Variants in CTNS observed in about 807,000 individuals in gnomAD.
The protein encoded by CTNS is cystinosin.
A neutral mutation model predicts 43.7 loss-of-function variants in CTNS; 27 were observed. The observed-to-expected ratio is 0.62, with a 90% CI of 0.46 to 0.85. The LOEUF (loss-of-function observed/expected upper bound fraction) is 0.85. Ranked by LOEUF, CTNS falls within the 40% of genes least tolerant of loss-of-function variation. The pLI is 0.00. For missense variants in CTNS, 457 were observed against 475.4 expected (o/e 0.96, Z 0.36); for synonymous variants, 187 against 190.6 (o/e 0.98, Z 0.16).
intron 3 of CTNS, among the ~76,000 whole-genome samples, chr17:3,646,836 GA>G (rs2075854336): frequency 6.6e-6 from 1 of 152,198 alleles, no homozygotes; most frequent in South Asian, 2.1e-4. Context: ...TTAATGCCAA[GA>G]AGAAATCTCA....
At chr17:3,647,420 T>C (rs781053360) in intron 3 of CTNS, 24 bp from the exon 4 acceptor site, 1 of 1,606,556 alleles carries the variant, frequency 6.2e-7, no homozygotes, top group South Asian at 1.1e-5. Context: ...CAGTGCCTCA[T>C]GTCATTGATT....
At chr17:3,639,100 G>A (rs2075616572) in intron 2 of CTNS, among the ~76,000 whole-genome samples, 1 of 152,116 alleles carries the variant, frequency 6.6e-6, no homozygotes, top group Non-Finnish European at 1.5e-5. Context: ...AATCAGAGTG[G>A]GAACAGGGAT....
chr17:3,645,468 G>A (rs1324870180), intron 3 of CTNS, among the ~76,000 whole-genome samples: 1 of 152,164 alleles, frequency 6.6e-6, no homozygotes, highest in East Asian at 1.9e-4. Context: ...CAAGCTTCAG[G>A]CTGTGATCTC....
chr17:3,646,111 G>A (rs150834274), intron 3 of CTNS, among the ~76,000 whole-genome samples: 1 of 152,220 alleles, frequency 6.6e-6, no homozygotes, highest in African/African-American at 2.4e-5. Flanking sequence ...ACCCCAGGCT[G>A]TGTGTAACCC....
intron 10 of CTNS, 90 bp downstream of exon 10, chr17:3,658,265 G>T: frequency 6.5e-7 from 1 of 1,536,032 alleles, no homozygotes; most frequent in Non-Finnish European, 8.9e-7. Context: ...AGCTCCTGCC[G>T]GCGTGAGGAA....
chr17:3,639,341 G>A (rs1258431736), intron 2 of CTNS, among the ~76,000 whole-genome samples: 1 of 152,066 alleles, frequency 6.6e-6, no homozygotes, highest in Non-Finnish European at 1.5e-5. Flanking sequence ...CCTTGTGAAT[G>A]ACCCCAGCCA....
At chr17:3,641,894 G>A (rs1409878098) in intron 3 of CTNS, among the ~76,000 whole-genome samples, 2 of 152,182 alleles carry the variant, frequency 1.3e-5, no homozygotes, top group Non-Finnish European at 2.9e-5. Context: ...TTCCGGGAAA[G>A]GCAGGTCTTT....
At chr17:3,654,886 G>A in intron 5 of CTNS, 112 bp from the exon 6 acceptor site, 1 of 825,726 alleles carries the variant, frequency 1.2e-6, no homozygotes, top group Non-Finnish European at 2.2e-6. Context: ...TGGAAGGTGA[G>A]GCTGCGGGTG....
chr17:3,651,117 CAG>C (rs1456812001), intron 5 of CTNS, among the ~76,000 whole-genome samples: 4 of 151,014 alleles, frequency 2.6e-5, no homozygotes, highest in Non-Finnish European at 5.9e-5. Flanking sequence ...TTGATTGAGA[CAG>C]AGTCTCACTT....
At chr17:3,655,452 C>T (rs2076106453) in intron 7 of CTNS, 100 bp downstream of exon 7, 1 of 1,538,768 alleles carries the variant, frequency 6.5e-7, no homozygotes, top group South Asian at 1.1e-5. Flanking sequence ...TCCCCTCTAC[C>T]CTTCTGTCTG....
At chr17:3,639,543 C>G (rs1374790734) in intron 2 of CTNS, among the ~76,000 whole-genome samples, 2 of 151,878 alleles carry the variant, frequency 1.3e-5, no homozygotes, top group Non-Finnish European at 2.9e-5. Flanking sequence ...TGGGGGGCAC[C>G]TGTAATCCCA....
chr17:3,661,830 C>CG lies in CTNS; in HGVS notation c.*1466dup, dbSNP rs2076282748. On this transcript the variant is annotated 3_prime_UTR_variant, in exon 12 of 12. Transcript: ENST00000046640. ...CTGAAGGGCACACCAGCACTGGGAG[C>CG]GGGGGCAGTGGGGGTCTTATTCTCC... 2.0e-5 allele frequency among the ~76,000 whole-genome samples: 3 copies of CG among 152,094 alleles called. No individual in the cohort carries two copies. The East Asian group carries it at 5.8e-4, about 29-fold the overall frequency.
At chr17:3,640,452 A>C (rs1411515297) in intron 3 of CTNS, among the ~76,000 whole-genome samples, 185 bp downstream of exon 3, 1 of 152,272 alleles carries the variant, frequency 6.6e-6, no homozygotes, top group African/African-American at 2.4e-5. Flanking sequence ...GTGTTCTGCA[A>C]AGAGCCAGAT....
chr17:3,645,950 G>A (rs2150901866), intron 3 of CTNS, among the ~76,000 whole-genome samples: 1 of 129,278 alleles, frequency 7.7e-6, no homozygotes, highest in African/African-American at 2.8e-5. Flanking sequence ...CTGAGTGACA[G>A]GGTCTGGGTG....
In CTNS at chr17:3,662,605, A is replaced by T. The variant is rs1447455276; in HGVS notation, c.*2236A>T. ...GAGCTGAGGCTAGGTTGCAAAAAGG[A>T]GGTTGGGAGCAAGTAGGGGCTTCAC... On this transcript the variant is annotated 3_prime_UTR_variant, in exon 12 of 12. Coordinates refer to ENST00000046640, the MANE Select transcript of CTNS (RefSeq NM_004937.3). 2.6e-5 allele frequency among the ~76,000 whole-genome samples: 4 copies of T among 152,112 alleles called. No homozygotes were observed. The highest frequency in any genetic ancestry group is 5.9e-5 in the Non-Finnish European group (4 of 67,986).
At chr17:3,648,971 G>A in intron 5 of CTNS, 40 bp downstream of exon 5, 1 of 1,491,642 alleles carries the variant, frequency 6.7e-7, no homozygotes, top group Non-Finnish European at 9.4e-7. Flanking sequence ...GGAAATGCTA[G>A]GTAACAGAAC....
At chr17:3,650,669 T>C (rs987419445) in intron 5 of CTNS, 2 of 209,188 alleles carry the variant, frequency 9.6e-6, no homozygotes, top group South Asian at 2.0e-4. Context: ...AGCCGGTGGG[T>C]TCCCACAGCA....
chr17:3,647,103 G>A (rs1288061586), intron 3 of CTNS, among the ~76,000 whole-genome samples: 3 of 152,172 alleles, frequency 2.0e-5, no homozygotes, highest in Non-Finnish European at 2.9e-5. Context: ...TGCCTTTTAC[G>A]CTCCCAGGTC....
rs897077378 is a variant in CTNS, at chr17:3,662,612, G to A, written c.*2243G>A. On this transcript the variant is annotated 3_prime_UTR_variant, in exon 12 of 12. Coordinates refer to ENST00000046640, the MANE Select transcript of CTNS (RefSeq NM_004937.3). ...GGCTAGGTTGCAAAAAGGAGGTTGG[G>A]AGCAAGTAGGGGCTTCACAGTAACA... is the stretch of plus-strand genomic sequence containing the variant. Among the ~76,000 whole-genome samples the A allele has an allele frequency of 2.6e-5, 4 of 152,196 alleles. No homozygotes were observed. The highest frequency in any genetic ancestry group is 4.4e-5 in the Non-Finnish European group (3 of 68,028).
Sources: allele counts gnomAD v4.1 joint callset (sites outside exome capture counted in the v4.1 genomes callset), GRCh38; gene constraint gnomAD v4.1.1; transcripts MANE v1.5; gene names NCBI Gene and HGNC (gene_info 2026-07-23, HGNC 2026-07-21).